Variants in DSE observed in about 807,000 individuals in gnomAD.
DSE encodes the protein dermatan-sulfate epimerase.
DSE carries 36 observed loss-of-function variants against 84.4 expected under a neutral mutation model. The observed-to-expected ratio is 0.43, with a 90% CI of 0.33 to 0.56. The LOEUF (loss-of-function observed/expected upper bound fraction) is 0.56, where lower values mean the gene tolerates loss of function less well. DSE is among the 20% of genes least tolerant of loss of function. The pLI, the probability that DSE is intolerant of heterozygous loss-of-function variation, is 0.06. For missense variants in DSE, 862 were observed against 1,169.6 expected, an observed-to-expected ratio of 0.74 and a Z score of 3.84; for synonymous variants, 410 against 430.1, an observed-to-expected ratio of 0.95 and a Z score of 0.58.
chr6:116,419,590 A>T (rs1454494632), intron 2 of DSE, among the ~76,000 whole-genome samples: 1 of 152,240 alleles, frequency 6.6e-6, no homozygotes, highest in Non-Finnish European at 1.5e-5. Context: ...GAGGTGTGGC[A>T]TATGTACAGT....
chr6:116,333,660 T>C (rs1008660330), intron 2 of DSE, among the ~76,000 whole-genome samples: 23 of 152,214 alleles, frequency 1.5e-4, no homozygotes, highest in African/African-American at 5.1e-4. Flanking sequence ...AATAAATCCA[T>C]GAATCTACTA....
At chr6:116,321,923 T>C (rs1387547823) in intron 2 of DSE, among the ~76,000 whole-genome samples, 1 of 152,130 alleles carries the variant, frequency 6.6e-6, no homozygotes, top group East Asian at 1.9e-4. Flanking sequence ...TTTTTTCACA[T>C]GATAGTGTAG....
upstream of DSE, among the ~76,000 whole-genome samples, chr6:116,367,482 C>A (rs1042612477): frequency 6.6e-6 from 1 of 152,178 alleles, no homozygotes; most frequent in Non-Finnish European, 1.5e-5. Flanking sequence ...AGCCGCATAC[C>A]TGTAACAGCC....
Position 116,395,221 on chromosome 6 carries a change from C to G in DSE, c.-53-3977C>G, listed in dbSNP as rs561405329. Among the ~76,000 whole-genome samples, 5 of 151,622 alleles carry G rather than the reference C, an allele frequency of 3.3e-5. No individual in the cohort carries two copies. In the South Asian group the frequency reaches 1.0e-3, roughly 32 times the overall value. On this transcript the variant is annotated intron_variant, in intron 1 of 5. Transcript: ENST00000644252. The stretch of plus-strand genomic sequence containing the variant: ...CGGGTGGATCACGAGGTCAAGAGAG[C>G]GAGACCATCCTGGCTAACAGGGTGA...
chr6:116,370,940 G>C (rs980484002), upstream of DSE: 8 of 985,208 alleles, frequency 8.1e-6, no homozygotes, highest in African/African-American at 1.7e-5. Context: ...CCGCCGGCCC[G>C]GCTCTCAGTA....
rs1784194874 is a variant in DSE, at chr6:116,436,892, A to G, written c.2424A>G (p.Lys808=). 1.2e-6 allele frequency: 2 copies of G among 1,614,114 alleles called. No individual in the cohort carries two copies. The highest frequency in any genetic ancestry group is 2.7e-5 in the African/African-American group (2 of 75,018). The change falls in exon 6 of 6, where the codon AAA becomes AAG. Residue 808 remains lysine (K), a synonymous_variant. Coordinates refer to ENST00000644252, the MANE Select transcript of DSE (RefSeq NM_013352.4). ...QQQQQQSKSK[K]NRRAGKRYKF... is the part of the protein sequence containing the mutation. ...AGCAGCAGCAAAGCAAGTCAAAGAA[A>G]AACCGAAGGGCAGGCAAACGCTATA...
At position 116,438,202 on chromosome 6, in the gene DSE, T is replaced by G. The variant is rs1784301553; in HGVS notation, c.*857T>G. 1.3e-5 allele frequency: 2 copies of G among 152,538 alleles called. No homozygotes were observed. The highest frequency in any genetic ancestry group is 2.4e-5 in the African/African-American group (1 of 41,432). 9.4% of individuals were successfully genotyped at this position (152,538 alleles called of 1,614,324 possible). On this transcript the variant is annotated 3_prime_UTR_variant, in exon 6 of 6. Coordinates refer to ENST00000644252, the MANE Select transcript of DSE (RefSeq NM_013352.4). ...CCAAAGAAGATGGAGAGTCTAAAATTTGGATATGATTCTTATGTTTTTTTA... is the reference window on the plus strand; with the variant it reads ...CCAAAGAAGATGGAGAGTCTAAAATGTGGATATGATTCTTATGTTTTTTTA...
intron 2 of DSE, among the ~76,000 whole-genome samples, chr6:116,422,509 A>G (rs982704814): frequency 6.6e-6 from 1 of 152,204 alleles, no homozygotes; most frequent in African/African-American, 2.4e-5. Context: ...TCAGCTCTCA[A>G]CTCAGTGCAT....
chr6:116,404,875 A>C (rs949808174), intron 2 of DSE, among the ~76,000 whole-genome samples: 1 of 152,168 alleles, frequency 6.6e-6, no homozygotes, highest in Non-Finnish European at 1.5e-5. Flanking sequence ...AATAAATCAC[A>C]GAGGAAAGAA....
Position 116,438,792 on chromosome 6 carries a change from T to C in DSE, c.*1447T>C, listed in dbSNP as rs1414636321. The C allele has an allele frequency of 1.3e-5, 2 of 152,180 alleles. No homozygotes were observed. Among genetic ancestry groups the C allele is most frequent in the South Asian group, 2.1e-4 (1 of 4,834 alleles). The allele number at this position is 152,180 out of a possible 1,614,324, so 9.4% of individuals were successfully genotyped here. ...CTTTTAGTTCACAGCAATACCAGTA[T>C]GTAACCAAAAGACAAGCTAGAGAAA... On this transcript the variant is annotated 3_prime_UTR_variant, in exon 6 of 6. Transcript: ENST00000644252.
rs538653771 is a variant in DSE at position 116,353,606 on chromosome 6, A to G, written c.-53-45592A>G. Among the ~76,000 whole-genome samples, 10 of 152,326 alleles carry G rather than the reference A, an allele frequency of 6.6e-5. No homozygotes were observed. In the South Asian group the frequency reaches 2.1e-3, roughly 32 times the overall value. On this transcript the variant is annotated intron_variant, in intron 2 of 3. Transcript: ENST00000430252. The stretch of plus-strand genomic sequence containing the variant: ...TCTCTCATCCTTATACTCTCAAAAG[A>G]TGAGGCATTGATATTCCCAGAAAAC...
intron 2 of DSE, among the ~76,000 whole-genome samples, chr6:116,356,155 T>C (rs1198883164): frequency 1.3e-5 from 2 of 152,212 alleles, no homozygotes; most frequent in South Asian, 4.1e-4. Context: ...ATATAAGACA[T>C]GATCCATGGC....
chr6:116,409,019 G>T (rs1583189587), intron 2 of DSE, among the ~76,000 whole-genome samples: 1 of 152,180 alleles, frequency 6.6e-6, no homozygotes. Context: ...TATGAGCTGT[G>T]TGACCTTGAG....
At position 116,438,952 on chromosome 6, in the gene DSE, T is replaced by G. The variant is rs1404908208; in HGVS notation, c.*1607T>G. On this transcript the variant is annotated 3_prime_UTR_variant, in exon 6 of 6. Coordinates refer to ENST00000644252, the MANE Select transcript of DSE (RefSeq NM_013352.4). ...TTCTGAGGAAGTAATTTTTTTCCCC[T>G]CTCATGGAAAGTCTCTAGGGAGGAT... 1 of 152,164 alleles carries G rather than the reference T, an allele frequency of 6.6e-6. No homozygotes were observed. Among genetic ancestry groups the G allele is most frequent in the East Asian group, 1.9e-4 (1 of 5,202 alleles). The allele number at this position is 152,164 out of a possible 1,614,324, so 9.4% of individuals were successfully genotyped here.
intron 3 of DSE, among the ~76,000 whole-genome samples, chr6:116,430,475 TAC>T (rs1358894701): frequency 1.3e-5 from 2 of 152,240 alleles, no homozygotes. Flanking sequence ...TTACATGTGA[TAC>T]AGTTTATTAA....
intron 2 of DSE, among the ~76,000 whole-genome samples, chr6:116,416,691 T>C (rs530002500): frequency 6.6e-6 from 1 of 152,078 alleles, no homozygotes; most frequent in Non-Finnish European, 1.5e-5. Context: ...CTGGCCACTG[T>C]CCATCATCCT....
upstream of DSE, among the ~76,000 whole-genome samples, chr6:116,369,256 T>C (rs556624673): frequency 2.6e-4 from 39 of 152,376 alleles, no homozygotes; most frequent in Non-Finnish European, 4.1e-4. Flanking sequence ...TGAACTAGAC[T>C]ACTACTTGCT....
chr6:116,276,630 T>C (rs1444944163), intron 2 of DSE: 2 of 152,158 alleles, frequency 1.3e-5, no homozygotes, highest in African/African-American at 4.8e-5. Context: ...AGAACTTTAA[T>C]GGATTAAAGG....
At chr6:116,274,052 A>G (rs1773004025) in intron 2 of DSE, among the ~76,000 whole-genome samples, 1 of 150,494 alleles carries the variant, frequency 6.6e-6, no homozygotes, top group Non-Finnish European at 1.5e-5. Context: ...CTGGTCTCGA[A>G]CTCCTGACCT....
Sources: gnomAD v4.1 joint callset for allele counts (sites outside exome capture counted in the v4.1 genomes callset) on GRCh38, gnomAD v4.1.1 for gene constraint, MANE v1.5 for transcripts, NCBI Gene and HGNC (gene_info 2026-07-23, HGNC 2026-07-21) for gene names.